Variants in TBL1X observed in about 807,000 individuals in gnomAD.
TBL1X encodes transducin beta like 1 X-linked.
In TBL1X, 10 loss-of-function variants were observed where a neutral mutation model predicts 50.7. The observed-to-expected ratio is 0.20, with a 90% CI of 0.12 to 0.33. The LOEUF (loss-of-function observed/expected upper bound fraction) is 0.33. Ranked by LOEUF, TBL1X falls within the 10% of genes least tolerant of loss-of-function variation. TBL1X has a pLI of 1.00. For synonymous variants in TBL1X, 190 were observed against 214.7 expected (o/e 0.88, Z 1.01); for missense variants, 340 against 504.4 (o/e 0.67, Z 3.12).
In TBL1X at chrX:9,602,061, G is replaced by A. The variant is rs113297588; in HGVS notation, c.-130-38212G>A. On this transcript the variant is annotated intron_variant, in intron 2 of 17. Transcript: ENST00000645353. ...TGTGTCTTGAGAAAACAAAAAGAAA[G>A]AAATATTGACACTATCTGTCCGCAA... 8.1e-3 allele frequency among the ~76,000 whole-genome samples: 907 copies of A among 111,824 alleles called. 10 individuals carry two copies. Among genetic ancestry groups the A allele is most frequent in the African/African-American group, 0.027 (847 of 30,803 alleles).
intron 2 of TBL1X, among the ~76,000 whole-genome samples, chrX:9,582,858 T>C (rs1299541990): frequency 8.9e-6 from 1 of 112,490 alleles, no homozygotes; most frequent in East Asian, 2.8e-4. Context: ...TATTCCTGTG[T>C]ATTCTTCACT....
intron 2 of TBL1X, among the ~76,000 whole-genome samples, chrX:9,592,382 C>T (rs1424893673): frequency 8.9e-6 from 1 of 111,938 alleles, no homozygotes; most frequent in Non-Finnish European, 1.9e-5. Context: ...AAAATCTTAA[C>T]CCTTGGGTCA....
intron 2 of TBL1X, among the ~76,000 whole-genome samples, chrX:9,587,066 G>A (rs1372478533): frequency 1.8e-5 from 2 of 111,889 alleles, no homozygotes; most frequent in African/African-American, 6.5e-5. Context: ...GGTTATTTCC[G>A]CCCTTGGAGT....
At chrX:9,699,675 C>T (rs2083157253) in intron 12 of TBL1X, among the ~76,000 whole-genome samples, 2 of 111,492 alleles carry the variant, frequency 1.8e-5, no homozygotes, top group Admixed American at 9.5e-5. Flanking sequence ...CCGAAGGTCC[C>T]GTCGAGGCAC....
At chrX:9,525,886 G>A (rs919893989) in intron 2 of TBL1X, among the ~76,000 whole-genome samples, 6 of 111,659 alleles carry the variant, frequency 5.4e-5, no homozygotes, top group African/African-American at 2.0e-4. Flanking sequence ...ACTATTAGGA[G>A]TGTTAGATGC....
At chrX:9,616,406 G>GAA (rs758379428) in intron 2 of TBL1X, among the ~76,000 whole-genome samples, 89 of 110,555 alleles carry the variant, frequency 8.1e-4, no homozygotes, top group African/African-American at 2.9e-3. Flanking sequence ...TTTTTCTAAA[G>GAA]AAAAAAAACA....
At chrX:9,496,016 C>T (rs1601714306) in intron 1 of TBL1X, among the ~76,000 whole-genome samples, 1 of 112,200 alleles carries the variant, frequency 8.9e-6, no homozygotes, top group Non-Finnish European at 1.9e-5. Context: ...ACACGGAATC[C>T]GTAAATAACA....
At chrX:9,576,502 T>C (rs894043411) in intron 2 of TBL1X, among the ~76,000 whole-genome samples, 1 of 111,762 alleles carries the variant, frequency 8.9e-6, no homozygotes, top group African/African-American at 3.3e-5. Context: ...TTTCCCATAA[T>C]TTAAAGCCAA....
In TBL1X at chrX:9,709,790, T is replaced by C. The variant is rs1421715734; in HGVS notation, c.1439+30T>C. ...GGGCAGGCAACACAGCTGGCACAGC[T>C]CGGTGTTACACAAAGACAACAGGAA... is the stretch of plus-strand genomic sequence containing the variant. On this transcript the variant is annotated intron_variant, in intron 15 of 17. Coordinates refer to ENST00000645353, the MANE Select transcript of TBL1X (RefSeq NM_005647.4). The C allele has an allele frequency of 2.5e-6, 3 of 1,200,074 alleles. No homozygotes were observed. In the African/African-American group the frequency reaches 5.2e-5, roughly 21 times the overall value.
intron 2 of TBL1X, among the ~76,000 whole-genome samples, chrX:9,530,290 T>G (rs1330341392): frequency 8.9e-6 from 1 of 112,246 alleles, no homozygotes; most frequent in Non-Finnish European, 1.9e-5. Context: ...GAGAGGATAC[T>G]GAATGCAGAA....
intron 2 of TBL1X, among the ~76,000 whole-genome samples, chrX:9,553,706 G>A (rs1278605492): frequency 3.6e-5 from 4 of 112,056 alleles, no homozygotes; most frequent in Admixed American, 9.5e-5. Context: ...GATTCTACTA[G>A]TGTGATTTAT....
chrX:9,499,837 G>A (rs982468246), intron 1 of TBL1X, among the ~76,000 whole-genome samples: 1 of 110,249 alleles, frequency 9.1e-6, no homozygotes, highest in East Asian at 2.9e-4. Flanking sequence ...TTAGCCGGAC[G>A]TGGTGGCAGG....
At position 9,643,575 on chromosome X, in the gene TBL1X, G is replaced by A. The variant is rs1378971931; in HGVS notation, c.-43+3215G>A. On this transcript the variant is annotated intron_variant, in intron 3 of 17. Coordinates refer to ENST00000645353, the MANE Select transcript of TBL1X (RefSeq NM_005647.4). ...AGCCTCCAAAATTGATATAGGCCAG[G>A]CACGGTGGCTCACACTTTGTACTCC... is the stretch of plus-strand genomic sequence containing the variant. 2.7e-5 allele frequency among the ~76,000 whole-genome samples: 3 copies of A among 111,369 alleles called. No homozygotes were observed. The Admixed American group carries it at 2.9e-4, about 11-fold the overall frequency.
At chrX:9,624,325 G>A (rs2082681827) in intron 2 of TBL1X, among the ~76,000 whole-genome samples, 1 of 111,837 alleles carries the variant, frequency 8.9e-6, no homozygotes. Flanking sequence ...CGTTTCCTCC[G>A]TTAGCTTCTT....
At chrX:9,485,173 G>A (rs2081904715) in intron 1 of TBL1X, among the ~76,000 whole-genome samples, 2 of 111,653 alleles carry the variant, frequency 1.8e-5, no homozygotes, top group African/African-American at 6.5e-5. Context: ...CATTGAATTA[G>A]GGGCTGGGTT....
At chrX:9,698,491 A>G (rs150728753) in intron 12 of TBL1X, among the ~76,000 whole-genome samples, 144 of 112,214 alleles carry the variant, frequency 1.3e-3, no homozygotes, top group African/African-American at 4.4e-3. Context: ...GCCATGCTGA[A>G]TTCTTCCAGG....
At chrX:9,652,017 C>CA (rs1334439894) in intron 3 of TBL1X, among the ~76,000 whole-genome samples, 1 of 111,930 alleles carries the variant, frequency 8.9e-6, no homozygotes, top group African/African-American at 3.3e-5. Flanking sequence ...CAGCTGGGGC[C>CA]AGTGCTCAGC....
intron 12 of TBL1X, among the ~76,000 whole-genome samples, chrX:9,698,557 C>G (rs1483494634): frequency 3.6e-5 from 4 of 111,891 alleles, no homozygotes; most frequent in African/African-American, 1.3e-4. Context: ...TCCATAGAGT[C>G]TCAGTGCCCA....
chrX:9,676,091 C>T (rs911885385), intron 5 of TBL1X, among the ~76,000 whole-genome samples: 8 of 111,835 alleles, frequency 7.2e-5, no homozygotes, highest in South Asian at 7.4e-4. Flanking sequence ...TGGTGCTATC[C>T]GTCGTAAATC....
Sources: gnomAD v4.1 joint callset for allele counts (sites outside exome capture counted in the v4.1 genomes callset) on GRCh38, gnomAD v4.1.1 for gene constraint, MANE v1.5 for transcripts, NCBI Gene and HGNC (gene_info 2026-07-23, HGNC 2026-07-21) for gene names.